Variants in CDKAL1 observed in about 807,000 individuals in gnomAD.
The protein encoded by CDKAL1 is threonylcarbamoyladenosine tRNA methylthiotransferase.
CDKAL1 carries 32 observed loss-of-function variants against 68.2 expected under a neutral mutation model. The ratio of observed to expected loss-of-function variants is 0.47; its 90% CI spans 0.35 to 0.63. The LOEUF (loss-of-function observed/expected upper bound fraction) is 0.63, where lower values mean the gene tolerates loss of function less well. Among genes scored for constraint, CDKAL1 ranks in the 30% least tolerant of loss-of-function variants. CDKAL1 has a pLI of 0.00. For synonymous variants in CDKAL1, 234 were observed against 244.3 expected (o/e 0.96, Z 0.39); for missense variants, 606 against 696.7 (o/e 0.87, Z 1.47).
intron 12 of CDKAL1, among the ~76,000 whole-genome samples, chr6:21,081,541 T>TCTAG (rs1357099816): frequency 1.3e-5 from 2 of 151,990 alleles, no homozygotes; most frequent in Non-Finnish European, 2.9e-5. Flanking sequence ...TGGAGTAACT[T>TCTAG]CTAAAGATAA....
chr6:21,166,857 T>C (rs1777175511), intron 13 of CDKAL1, among the ~76,000 whole-genome samples: 1 of 152,212 alleles, frequency 6.6e-6, no homozygotes. Context: ...CTCCTATTCA[T>C]ATCTACATCA....
rs747440154 is a variant in CDKAL1 at position 20,596,115 on chromosome 6, C to T, written c.286+47410C>T. 8.5e-4 allele frequency among the ~76,000 whole-genome samples: 129 copies of T among 152,340 alleles called. No homozygotes were observed. In the Middle Eastern group the frequency reaches 0.014, roughly 16 times the overall value. On this transcript the variant is annotated intron_variant, in intron 4 of 15. Transcript: ENST00000274695. ...TCTGTCAACCCCTTCTGGGAGGTGTCTCCAAGCCAGGAGGCACGAGGATCA... is the reference window on the plus strand; with the variant it reads ...TCTGTCAACCCCTTCTGGGAGGTGTTTCCAAGCCAGGAGGCACGAGGATCA...
At position 20,548,464 on chromosome 6, in the gene CDKAL1, T is replaced by A. The variant is rs547026161; in HGVS notation, c.174-129T>A. The A allele has an allele frequency of 7.0e-5, 45 of 640,134 alleles. No individual in the cohort carries two copies. The East Asian group carries it at 1.3e-3, about 18-fold the overall frequency. 39.7% of individuals were successfully genotyped at this position (640,134 alleles called of 1,614,324 possible). A position where few individuals can be genotyped will look rare whatever the true frequency, so the allele number is the denominator to read the frequency against. On this transcript the variant is annotated intron_variant, in intron 3 of 15. Transcript: ENST00000274695. Reference sequence around the variant, plus strand: ...GGGAGGATCCCTTAGGCCTGGGAGGTTGAGGTTGCAGTGAGCTGTGGTCAC... The same window carrying A: ...GGGAGGATCCCTTAGGCCTGGGAGGATGAGGTTGCAGTGAGCTGTGGTCAC...
chr6:21,124,493 T>C (rs962279483), intron 13 of CDKAL1, among the ~76,000 whole-genome samples: 3 of 151,968 alleles, frequency 2.0e-5, no homozygotes, highest in Admixed American at 2.0e-4. Flanking sequence ...ACTGTATTTA[T>C]TACCTCGATG....
intron 11 of CDKAL1, among the ~76,000 whole-genome samples, chr6:21,030,717 A>G (rs1769236455): frequency 6.6e-6 from 1 of 152,050 alleles, no homozygotes. Context: ...GATGAATTTT[A>G]TTTGTATTTC....
intron 15 of CDKAL1, among the ~76,000 whole-genome samples, chr6:21,220,194 G>A (rs538242990): frequency 8.2e-5 from 12 of 146,718 alleles, no homozygotes; most frequent in South Asian, 6.2e-4. Flanking sequence ...AAGCTCGTGC[G>A]TGCGTGCGTG....
At chr6:20,779,583 T>A (rs369704956) in intron 7 of CDKAL1, among the ~76,000 whole-genome samples, 12 of 152,346 alleles carry the variant, frequency 7.9e-5, no homozygotes, top group Middle Eastern at 6.8e-3. Flanking sequence ...ATTGTGATGA[T>A]TATAAAACTT....
chr6:20,810,630 GTGTGT>G (rs1561796666), intron 8 of CDKAL1, among the ~76,000 whole-genome samples: 32 of 18,716 alleles, frequency 1.7e-3, no homozygotes, highest in South Asian at 0.016. Flanking sequence ...ATGTATGGGT[GTGTGT>G]GTGTGTGTGT....
At chr6:20,664,580 A>G (rs1351921769) in intron 5 of CDKAL1, among the ~76,000 whole-genome samples, 2 of 152,176 alleles carry the variant, frequency 1.3e-5, no homozygotes, top group African/African-American at 4.8e-5. Flanking sequence ...CATATTTTGT[A>G]GTATTTCAGT....
intron 6 of CDKAL1, 60 bp from the exon 7 acceptor site, chr6:20,758,534 TA>T: frequency 6.8e-7 from 1 of 1,465,622 alleles, no homozygotes. Context: ...AGCATAAGGA[TA>T]AACACAAATT....
chr6:20,544,554 C>T (rs955994255), intron 2 of CDKAL1, among the ~76,000 whole-genome samples: 3 of 138,440 alleles, frequency 2.2e-5, no homozygotes, highest in Non-Finnish European at 3.0e-5. Context: ...CGAGATCGCG[C>T]CACTGCACTC....
intron 13 of CDKAL1, among the ~76,000 whole-genome samples, chr6:21,189,659 T>C (rs146384557): frequency 2.7e-4 from 41 of 152,360 alleles, no homozygotes; most frequent in African/African-American, 8.9e-4. Flanking sequence ...ACTTGTTTTC[T>C]ATGCTATCAT....
intron 9 of CDKAL1, among the ~76,000 whole-genome samples, chr6:20,891,627 C>T (rs565534641): frequency 2.3e-4 from 35 of 151,616 alleles, no homozygotes; most frequent in African/African-American, 7.7e-4. Context: ...CTCCGCCTCC[C>T]GGGTTCAAGC....
At chr6:20,666,077 T>C (rs1769528430) in intron 5 of CDKAL1, among the ~76,000 whole-genome samples, 1 of 152,094 alleles carries the variant, frequency 6.6e-6, no homozygotes, top group Non-Finnish European at 1.5e-5. Flanking sequence ...TGAAGGTATA[T>C]ATGACATTAT....
At chr6:20,910,301 G>A (rs1469786062) in intron 9 of CDKAL1, among the ~76,000 whole-genome samples, 1 of 152,072 alleles carries the variant, frequency 6.6e-6, no homozygotes, top group East Asian at 1.9e-4. Context: ...TTTAGGTAAT[G>A]CTGCCTGACC....
chr6:20,600,797 C>G (rs1371411058), intron 4 of CDKAL1, among the ~76,000 whole-genome samples: 1 of 82,636 alleles, frequency 1.2e-5, no homozygotes, highest in Non-Finnish European at 2.6e-5. Context: ...TACACACACA[C>G]ACATGAATGA....
chr6:21,168,480 A>C (rs2151072034), intron 13 of CDKAL1, among the ~76,000 whole-genome samples: 1 of 152,366 alleles, frequency 6.6e-6, no homozygotes, highest in South Asian at 2.1e-4. Flanking sequence ...TTTAATACTT[A>C]ACTGACATAG....
At chr6:20,603,822 G>C (rs953592064) in intron 4 of CDKAL1, among the ~76,000 whole-genome samples, 6 of 125,312 alleles carry the variant, frequency 4.8e-5, no homozygotes, top group African/African-American at 6.3e-5. Flanking sequence ...AGTCACCCAG[G>C]CTGGAGTGCA....
chr6:20,869,005 G>A (rs1760052393), intron 9 of CDKAL1, among the ~76,000 whole-genome samples: 1 of 152,158 alleles, frequency 6.6e-6, no homozygotes, highest in Non-Finnish European at 1.5e-5. Flanking sequence ...TGAGGTGGCG[G>A]ATGTGCAGCG....
Sources: allele counts gnomAD v4.1 joint callset (sites outside exome capture counted in the v4.1 genomes callset), GRCh38; gene constraint gnomAD v4.1.1; transcripts MANE v1.5; gene names NCBI Gene and HGNC (gene_info 2026-07-23, HGNC 2026-07-21).